The following ATP8A2 variants were observed in gnomAD, a reference collection of about 807,000 sequenced individuals.
ATP8A2 encodes the protein ATPase phospholipid transporting 8A2.
In ATP8A2, 100 loss-of-function variants were observed where a neutral mutation model predicts 165.6. That is an observed-to-expected ratio of 0.60 (90% CI 0.51 to 0.71). ATP8A2 has a LOEUF of 0.71. ATP8A2 is among the 30% of genes least tolerant of loss of function. ATP8A2 has a pLI of 0.00. For synonymous variants in ATP8A2, 543 were observed against 548.8 expected (o/e 0.99, Z 0.15); for missense variants, 1,227 against 1,479.5 (o/e 0.83, Z 2.80).
At chr13:25,871,576 A>T (rs578026649) in intron 33 of ATP8A2, among the ~76,000 whole-genome samples, 1 of 152,368 alleles carries the variant, frequency 6.6e-6, no homozygotes, top group South Asian at 2.1e-4. Context: ...GCATGTACCA[A>T]GAAGTTTCTG....
intron 33 of ATP8A2, among the ~76,000 whole-genome samples, chr13:25,959,051 G>T (rs1213581163): frequency 6.6e-6 from 1 of 152,156 alleles, no homozygotes; most frequent in Non-Finnish European, 1.5e-5. Context: ...AGTACAGCTT[G>T]AACAAGTCCA....
chr13:25,900,016 A>C (rs1402039965), intron 33 of ATP8A2, among the ~76,000 whole-genome samples: 1 of 152,122 alleles, frequency 6.6e-6, no homozygotes, highest in East Asian at 1.9e-4. Flanking sequence ...CAGGGACTGG[A>C]GTAGAAGCTG....
chr13:25,712,981 G>A (rs1456760822), intron 25 of ATP8A2, among the ~76,000 whole-genome samples: 1 of 152,192 alleles, frequency 6.6e-6, no homozygotes, highest in Non-Finnish European at 1.5e-5. Context: ...CTAAAACCCT[G>A]TTATATTTAG....
intron 24 of ATP8A2, among the ~76,000 whole-genome samples, chr13:25,612,720 G>C (rs539290408): frequency 6.6e-6 from 1 of 152,146 alleles, no homozygotes; most frequent in Non-Finnish European, 1.5e-5. Flanking sequence ...TCTGTCTAAT[G>C]CTGTCAGTGG....
At chr13:25,550,259 C>T (rs1168581071) in intron 10 of ATP8A2, among the ~76,000 whole-genome samples, 1 of 152,096 alleles carries the variant, frequency 6.6e-6, no homozygotes, top group Non-Finnish European at 1.5e-5. Context: ...GAGCTGAGGT[C>T]ACACCACTGG....
intron 33 of ATP8A2, among the ~76,000 whole-genome samples, chr13:25,934,417 G>A (rs932043415): frequency 6.6e-6 from 1 of 152,230 alleles, no homozygotes; most frequent in Admixed American, 6.5e-5. Flanking sequence ...GATACAGATC[G>A]CAAGGCACAG....
chr13:25,829,798 C>G (rs1248357694), intron 28 of ATP8A2, among the ~76,000 whole-genome samples: 1 of 145,346 alleles, frequency 6.9e-6, no homozygotes, highest in Admixed American at 7.0e-5. Flanking sequence ...TTTCTTAGCT[C>G]CATGCAGTCT....
chr13:25,888,043 A>C (rs1052444177), intron 33 of ATP8A2, among the ~76,000 whole-genome samples: 2 of 149,884 alleles, frequency 1.3e-5, no homozygotes, highest in Admixed American at 6.7e-5. Flanking sequence ...AGAGTAGGCA[A>C]GGAGGCAGAA....
chr13:25,851,531 T>C (rs1457524982), intron 30 of ATP8A2, among the ~76,000 whole-genome samples: 1 of 149,954 alleles, frequency 6.7e-6, no homozygotes, highest in Non-Finnish European at 1.5e-5. Flanking sequence ...TGCAGCAAGC[T>C]GAGATCGCGC....
chr13:25,812,310 C>T (rs1950896604), intron 27 of ATP8A2, among the ~76,000 whole-genome samples: 1 of 150,320 alleles, frequency 6.7e-6, no homozygotes, highest in South Asian at 2.1e-4. Flanking sequence ...CCCTCTCCTC[C>T]AGTCCCTATC....
Position 25,901,163 on chromosome 13 carries a change from G to A in ATP8A2, c.3183+38755G>A, listed in dbSNP as rs147707740. On this transcript the variant is annotated intron_variant, in intron 33 of 36. Coordinates refer to ENST00000381655, the MANE Select transcript of ATP8A2 (RefSeq NM_016529.6). Reference sequence around the variant, plus strand: ...GGGCTAAGGGAGGCCTAAAATGCGGGACATTGGAGAGGAAATGTTCTGGAA... The same window carrying A: ...GGGCTAAGGGAGGCCTAAAATGCGGAACATTGGAGAGGAAATGTTCTGGAA... Among the ~76,000 whole-genome samples the A allele has an allele frequency of 2.2e-4, 33 of 152,316 alleles. No individual in the cohort carries two copies. In the East Asian group the frequency reaches 5.6e-3, roughly 26 times the overall value.
intron 33 of ATP8A2, among the ~76,000 whole-genome samples, chr13:25,907,915 T>C (rs1433149253): frequency 6.6e-6 from 1 of 152,242 alleles, no homozygotes; most frequent in African/African-American, 2.4e-5. Context: ...TACAGCCAAC[T>C]CTACGAGGAA....
intron 26 of ATP8A2, among the ~76,000 whole-genome samples, chr13:25,769,496 A>G (rs1235432881): frequency 6.6e-6 from 1 of 152,196 alleles, no homozygotes; most frequent in Non-Finnish European, 1.5e-5. Flanking sequence ...TGCTCCTGGC[A>G]GATAGGTCTC....
At chr13:25,517,099 T>TTTTTG (rs1296775118) in intron 2 of ATP8A2, 1 of 151,170 alleles carries the variant, frequency 6.6e-6, no homozygotes, top group Non-Finnish European at 1.5e-5. Context: ...TTTTTTTTTT[T>TTTTTG]TAATATAAAG....
At chr13:25,929,188 G>T (rs112459742) in intron 33 of ATP8A2, among the ~76,000 whole-genome samples, 1 of 152,152 alleles carries the variant, frequency 6.6e-6, no homozygotes. Context: ...AAATGTGCGT[G>T]ACCATGTGAG....
chr13:25,735,582 G>GA (rs55780036), intron 25 of ATP8A2, among the ~76,000 whole-genome samples: 68,309 of 150,870 alleles, frequency 0.45, 15,720 homozygotes, highest in East Asian at 0.58. Context: ...TCTTATGTTA[G>GA]AAAAAAAAAC....
At chr13:25,724,981 C>T (rs1469228931) in intron 25 of ATP8A2, among the ~76,000 whole-genome samples, 4 of 152,180 alleles carry the variant, frequency 2.6e-5, no homozygotes, top group Admixed American at 2.6e-4. Flanking sequence ...AGACCTTCTG[C>T]TAGGACCTGT....
chr13:25,391,072 G>A (rs893580316), intron 1 of ATP8A2, among the ~76,000 whole-genome samples: 1 of 152,170 alleles, frequency 6.6e-6, no homozygotes, highest in Non-Finnish European at 1.5e-5. Flanking sequence ...TCAAAGGACA[G>A]TAGATTTAAA....
intron 35 of ATP8A2, 93 bp from the exon 36 acceptor site, chr13:26,012,438 A>AT (rs1405088037): frequency 3.1e-6 from 3 of 974,716 alleles, no homozygotes; most frequent in Middle Eastern, 2.1e-4. Context: ...TGGGGAGGTG[A>AT]TCCCCCACCT....
Sources: gnomAD v4.1 joint callset for allele counts (sites outside exome capture counted in the v4.1 genomes callset) on GRCh38, gnomAD v4.1.1 for gene constraint, MANE v1.5 for transcripts, NCBI Gene and HGNC (gene_info 2026-07-23, HGNC 2026-07-21) for gene names.